Variants in MYO3B observed in about 807,000 individuals in gnomAD.
MYO3B encodes myosin IIIB.
In MYO3B, 156 loss-of-function variants were observed where a neutral mutation model predicts 174.6. That is an observed-to-expected ratio of 0.89 (90% CI 0.78 to 1.02). The LOEUF is 1.02. MYO3B is among the 50% of genes least tolerant of loss of function. The pLI, the probability that MYO3B is intolerant of heterozygous loss-of-function variation, is 0.00. For synonymous variants in MYO3B, 563 were observed against 569.1 expected, an observed-to-expected ratio of 0.99 and a Z score of 0.15; for missense variants, 1,632 against 1,639.4, an observed-to-expected ratio of 1.00 and a Z score of 0.08.
rs1016234676 is a variant in MYO3B at position 170,499,681 on chromosome 2, T to C, written c.3162T>C (p.Asn1054=). The C allele has an allele frequency of 1.2e-6, 2 of 1,614,100 alleles. No homozygotes were observed. Among genetic ancestry groups the C allele is most frequent in the Non-Finnish European group, 1.7e-6 (2 of 1,179,986 alleles). The change falls in exon 27 of 35, where the codon AAT becomes AAC. Residue 1054 remains asparagine, a synonymous_variant. Transcript: ENST00000408978. ...AATATTACCATGTTGAGCAATTAAA[T>C]TTGCTGCTTCGAGAAGTCATAGGCA... ...FLKYYHVEQL[N]LLLREVIGRV...
At chr2:170,442,278 C>A (rs563670641) in intron 22 of MYO3B, among the ~76,000 whole-genome samples, 1 of 151,998 alleles carries the variant, frequency 6.6e-6, no homozygotes, top group Admixed American at 6.6e-5. Context: ...CTTGTGAACA[C>A]GTGTTATTGT....
At chr2:170,265,354 C>G (rs2093375363) in intron 7 of MYO3B, among the ~76,000 whole-genome samples, 1 of 152,218 alleles carries the variant, frequency 6.6e-6, no homozygotes, top group South Asian at 2.1e-4. Flanking sequence ...AGAAAGCACT[C>G]TTTTATATAA....
chr2:170,370,472 C>G (rs12471833), intron 9 of MYO3B, among the ~76,000 whole-genome samples: 1 of 151,816 alleles, frequency 6.6e-6, no homozygotes, highest in African/African-American at 2.4e-5. Flanking sequence ...GTTTCTATGG[C>G]CTCCCTACAG....
intron 23 of MYO3B, among the ~76,000 whole-genome samples, chr2:170,447,111 T>G (rs1320733699): frequency 6.6e-6 from 1 of 152,142 alleles, no homozygotes; most frequent in Non-Finnish European, 1.5e-5. Flanking sequence ...TCCTAGGTAT[T>G]CTGGCCTGCT....
chr2:170,324,890 C>G (rs1280535801), intron 7 of MYO3B, among the ~76,000 whole-genome samples: 3 of 152,182 alleles, frequency 2.0e-5, no homozygotes, highest in Non-Finnish European at 4.4e-5. Context: ...GCGAATTCTT[C>G]TGGCACCTAA....
intron 8 of MYO3B, chr2:170,351,248 T>C (rs924642094): frequency 2.6e-5 from 4 of 152,030 alleles, no homozygotes; most frequent in African/African-American, 9.7e-5. Flanking sequence ...GGATTCAGAG[T>C]TGAGACTCCT....
At chr2:170,492,529 A>G (rs1686560535) in intron 25 of MYO3B, among the ~76,000 whole-genome samples, 1 of 152,232 alleles carries the variant, frequency 6.6e-6, no homozygotes, top group South Asian at 2.1e-4. Flanking sequence ...AAAGTAACCT[A>G]AGAAATAATC....
At chr2:170,187,378 G>A (rs548985287) in intron 1 of MYO3B, among the ~76,000 whole-genome samples, 65 of 152,092 alleles carry the variant, frequency 4.3e-4, no homozygotes, top group African/African-American at 1.4e-3. Flanking sequence ...GATTACAGGT[G>A]TGTGCCAGCA....
chr2:170,593,222 C>G (rs1045296064), intron 32 of MYO3B, among the ~76,000 whole-genome samples: 1 of 152,146 alleles, frequency 6.6e-6, no homozygotes, highest in Non-Finnish European at 1.5e-5. Context: ...CTCAGCATCC[C>G]AAGTGACTGG....
rs1575046982 is a variant in MYO3B at position 170,479,454 on chromosome 2, T to C, written c.3014+12743T>C. Among the ~76,000 whole-genome samples the C allele has an allele frequency of 2.1e-5, 3 of 145,934 alleles. No individual in the cohort carries two copies. The East Asian group carries it at 5.9e-4, about 29-fold the overall frequency. On this transcript the variant is annotated intron_variant, in intron 25 of 34. Coordinates refer to ENST00000408978, the MANE Select transcript of MYO3B (RefSeq NM_138995.5). The stretch of plus-strand genomic sequence containing the variant: ...TTTAAAATATATAAAATATAGATTT[T>C]ATATATATACACACACATATATTTT...
At chr2:170,518,424 C>T (rs1688458666) in intron 29 of MYO3B, among the ~76,000 whole-genome samples, 9 of 152,156 alleles carry the variant, frequency 5.9e-5, no homozygotes, top group Admixed American at 5.9e-4. Context: ...CTCCTTCCAA[C>T]CCTAACTGAT....
chr2:170,220,876 C>T (rs1431184125), intron 6 of MYO3B, among the ~76,000 whole-genome samples: 4 of 152,128 alleles, frequency 2.6e-5, no homozygotes, highest in African/African-American at 9.7e-5. Context: ...TGATTGTGTC[C>T]AGTATGCTCT....
chr2:170,584,708 C>T (rs741282), intron 32 of MYO3B, among the ~76,000 whole-genome samples: 61,381 of 152,084 alleles, frequency 0.4, 15,587 homozygotes, highest in African/African-American at 0.72. Context: ...TTCTTAATAG[C>T]TACATTATTT....
At chr2:170,370,633 A>T (rs1324727272) in intron 9 of MYO3B, among the ~76,000 whole-genome samples, 1 of 34,032 alleles carries the variant, frequency 2.9e-5, no homozygotes, top group Non-Finnish European at 5.3e-5. Flanking sequence ...CTACACACAC[A>T]CACACACACA....
chr2:170,547,964 G>A lies in MYO3B; in HGVS notation c.3733+3976G>A, dbSNP rs529316892. The stretch of plus-strand genomic sequence containing the variant: ...CATTAAGAATGTGAGGTTTGTAGCC[G>A]GGCGTGGTGGCAGGCGCCTGTAGTC... On this transcript the variant is annotated intron_variant, in intron 32 of 34. Coordinates refer to ENST00000408978, the MANE Select transcript of MYO3B (RefSeq NM_138995.5). Among the ~76,000 whole-genome samples the A allele has an allele frequency of 2.6e-4, 40 of 151,992 alleles. No homozygotes were observed. The South Asian group carries it at 6.9e-3, about 26-fold the overall frequency.
intron 32 of MYO3B, among the ~76,000 whole-genome samples, chr2:170,625,701 G>A (rs375539957): frequency 1.3e-5 from 2 of 152,220 alleles, no homozygotes; most frequent in African/African-American, 4.8e-5. Flanking sequence ...AGTGCTATAA[G>A]TTTCCCTCTA....
At chr2:170,254,532 C>T (rs1457162439) in intron 7 of MYO3B, among the ~76,000 whole-genome samples, 2 of 152,158 alleles carry the variant, frequency 1.3e-5, no homozygotes, top group Non-Finnish European at 2.9e-5. Flanking sequence ...AACAGAGCCA[C>T]CACTGTCCTA....
In MYO3B at chr2:170,404,435, A is replaced by G. The variant is rs754894742; in HGVS notation, c.2431+35A>G. ...TTCTGAGAAACAGGCATATACATTT[A>G]GAACAAAACTTGGCTTGTGTCATCA... On this transcript the variant is annotated intron_variant, in intron 20 of 34. Coordinates refer to ENST00000408978, the MANE Select transcript of MYO3B (RefSeq NM_138995.5). 7 of 1,564,932 alleles carry G rather than the reference A, an allele frequency of 4.5e-6. No individual in the cohort carries two copies. The Admixed American group carries it at 7.9e-5, about 18-fold the overall frequency.
At chr2:170,386,104 G>T in intron 12 of MYO3B, 85 bp from the exon 13 acceptor site, 1 of 1,054,802 alleles carries the variant, frequency 9.5e-7, no homozygotes, top group Non-Finnish European at 1.4e-6. Flanking sequence ...AAAAATTAAG[G>T]TGTACAGTAG....
Sources: gnomAD v4.1 joint callset for allele counts (sites outside exome capture counted in the v4.1 genomes callset) on GRCh38, gnomAD v4.1.1 for gene constraint, MANE v1.5 for transcripts, NCBI Gene and HGNC (gene_info 2026-07-23, HGNC 2026-07-21) for gene names.